Variants in METTL22 observed in about 807,000 individuals in gnomAD.
The protein encoded by METTL22 is methyltransferase 22, Kin17 lysine.
A neutral mutation model predicts 48.4 loss-of-function variants in METTL22; 51 were observed. The ratio of observed to expected loss-of-function variants is 1.05; its 90% CI spans 0.84 to 1.33. METTL22 has a LOEUF of 1.33. Among genes scored for constraint, METTL22 ranks in the 40% most tolerant of loss-of-function variants. The pLI is 0.00. For synonymous variants in METTL22, 255 were observed against 214.1 expected (o/e 1.19, Z -1.67); for missense variants, 678 against 526.9 (o/e 1.29, Z -2.81).
chr16:8,625,904 A>T (rs2056034266), intron 2 of METTL22, 106 bp downstream of exon 2: 1 of 1,405,418 alleles, frequency 7.1e-7, no homozygotes, highest in Admixed American at 2.0e-5. Context: ...CGTAACTGTT[A>T]TCCTCAGACC....
chr16:8,627,780 CT>C (rs1297784263), intron 2 of METTL22, among the ~76,000 whole-genome samples: 1 of 152,186 alleles, frequency 6.6e-6, no homozygotes. Context: ...GGGTCTCATT[CT>C]GTCACCCAAG....
rs1016796229 is a variant in METTL22, at chr16:8,647,377, G to A, written c.*1234G>A. 1.3e-5 allele frequency: 2 copies of A among 152,540 alleles called. No individual in the cohort carries two copies. The highest frequency in any genetic ancestry group is 2.9e-5 in the Non-Finnish European group (2 of 68,322). The allele number at this position is 152,540 out of a possible 1,614,324, so 9.4% of individuals were successfully genotyped here. ...AAATATCACTACATCCCTGCTGTAT[G>A]GTCTGGCAAACAGTAGATGCTCAAC... On this transcript the variant is annotated 3_prime_UTR_variant, in exon 11 of 11. Transcript: ENST00000381920.
the METTL22 span, among the ~76,000 whole-genome samples, chr16:8,661,040 T>C: frequency 2.6e-5 from 4 of 152,110 alleles, no homozygotes; most frequent in African/African-American, 9.7e-5. Context: ...GGTCTGGATG[T>C]CATGTTCTCC....
chr16:8,666,097 C>G, the METTL22 span, among the ~76,000 whole-genome samples: 1 of 152,174 alleles, frequency 6.6e-6, no homozygotes, highest in Non-Finnish European at 1.5e-5. Flanking sequence ...TCATCTGAGA[C>G]TCACCCTGAG....
chr16:8,656,102 C>T, the METTL22 span, among the ~76,000 whole-genome samples: 4 of 152,142 alleles, frequency 2.6e-5, no homozygotes, highest in African/African-American at 7.2e-5. Context: ...AGACAGGTCT[C>T]GCCATGTTGC....
At chr16:8,630,449 AG>A (rs1334905918) in intron 3 of METTL22, among the ~76,000 whole-genome samples, 1 of 152,068 alleles carries the variant, frequency 6.6e-6, no homozygotes, top group African/African-American at 2.4e-5. Flanking sequence ...ACTTGTACCT[AG>A]GTCTGTCTGA....
the METTL22 span, among the ~76,000 whole-genome samples, chr16:8,659,137 C>T: frequency 1.3e-5 from 2 of 152,096 alleles, no homozygotes; most frequent in African/African-American, 4.8e-5. Context: ...TCGAGACCAG[C>T]CTGGCCAACA....
At chr16:8,631,352 G>A (rs1348716296) in intron 3 of METTL22, 1 of 152,190 alleles carries the variant, frequency 6.6e-6, no homozygotes, top group Non-Finnish European at 1.5e-5. Flanking sequence ...GAAATAAAGT[G>A]AGACCCCAAG....
At chr16:8,650,954 G>A (rs1318228620), downstream of METTL22, among the ~76,000 whole-genome samples, 1 of 152,208 alleles carries the variant, frequency 6.6e-6, no homozygotes, top group Non-Finnish European at 1.5e-5. Context: ...CTGAGAGGTG[G>A]AGTTTGCAGT....
intron 5 of METTL22, among the ~76,000 whole-genome samples, chr16:8,638,666 G>A (rs1347015288): frequency 6.6e-6 from 1 of 152,172 alleles, no homozygotes; most frequent in East Asian, 1.9e-4. Context: ...TAAATTTGGA[G>A]TTAGAAAAAC....
At chr16:8,663,225 A>AAAT in the METTL22 span, among the ~76,000 whole-genome samples, 50,857 of 123,378 alleles carry the variant, frequency 0.41, 12,263 homozygotes, top group East Asian at 0.55. Context: ...AAAAAAAAAA[A>AAAT]GGTAGCCAAG....
chr16:8,656,509 G>A, the METTL22 span, among the ~76,000 whole-genome samples: 378 of 152,340 alleles, frequency 2.5e-3, no homozygotes, highest in African/African-American at 8.6e-3. Context: ...GGATTCTAAT[G>A]TGAACTTGCA....
In METTL22 at chr16:8,641,082, CTGA is replaced by C. The variant is rs559952320; in HGVS notation, c.773-43_773-41del. On this transcript the variant is annotated intron_variant, in intron 6 of 10. Coordinates refer to ENST00000381920, the MANE Select transcript of METTL22 (RefSeq NM_024109.4). ...TAGTGTAAAAGTTTATCTTTTTTTC[CTGA>C]TGATGTTTAGAGTTTGGAAAGTTCT... The C allele has an allele frequency of 7.6e-5, 119 of 1,559,558 alleles. No individual in the cohort carries two copies. The African/African-American group carries it at 1.5e-3, about 20-fold the overall frequency.
Position 8,647,022 on chromosome 16 carries a change from T to G in METTL22, c.*879T>G. On this transcript the variant is annotated 3_prime_UTR_variant, in exon 11 of 11. Transcript: ENST00000381920. ...TACCCTTGGCCCTCCCTGCAGCCCC[T>G]TTCCCCTGCCTTGCTGCTGCCGCAC... is the stretch of plus-strand genomic sequence containing the variant. 3.2e-6 allele frequency: 1 copy of G among 310,030 alleles called. No individual in the cohort carries two copies. The highest frequency in any genetic ancestry group is 2.8e-5 in the South Asian group (1 of 35,914). 19.2% of individuals were successfully genotyped at this position (310,030 alleles called of 1,614,324 possible). A position where few individuals can be genotyped will look rare whatever the true frequency, so the allele number is the denominator to read the frequency against.
At chr16:8,660,888 AGGAG>A in the METTL22 span, among the ~76,000 whole-genome samples, 2 of 122,470 alleles carry the variant, frequency 1.6e-5, no homozygotes, top group African/African-American at 6.0e-5. Flanking sequence ...GAGGAGGAGG[AGGAG>A]GAGGAGGAGG....
chr16:8,633,610 CAGAAAG>C (rs2056332085), intron 3 of METTL22, among the ~76,000 whole-genome samples: 1 of 152,138 alleles, frequency 6.6e-6, no homozygotes, highest in African/African-American at 2.4e-5. Context: ...TGTCTCAAAA[CAGAAAG>C]AGACAGAAAA....
At position 8,626,927 on chromosome 16, in the gene METTL22, T is replaced by C. The variant is rs113796685; in HGVS notation, c.133+1129T>C. ...GACTACAGGCACCCGCCACCACGCC[T>C]GGCTAATTTTTTTGTATTTTTGGTA... On this transcript the variant is annotated intron_variant, in intron 2 of 10. Coordinates refer to ENST00000381920, the MANE Select transcript of METTL22 (RefSeq NM_024109.4). Among the ~76,000 whole-genome samples the C allele has an allele frequency of 1.3e-4, 20 of 151,912 alleles. 2 individuals carry two copies. The highest frequency in any genetic ancestry group is 4.8e-4 in the African/African-American group (20 of 41,436).
At chr16:8,656,308 T>A in the METTL22 span, among the ~76,000 whole-genome samples, 3 of 152,220 alleles carry the variant, frequency 2.0e-5, no homozygotes, top group African/African-American at 7.2e-5. Context: ...TGTAGCAGGA[T>A]GCCACTTCCA....
chr16:8,624,287 C>A (rs1396530425), intron 1 of METTL22, among the ~76,000 whole-genome samples: 1 of 152,094 alleles, frequency 6.6e-6, no homozygotes, highest in African/African-American at 2.4e-5. Context: ...TAATGTGTCA[C>A]CTGCATAATT....
Sources: gnomAD v4.1 joint callset for allele counts (sites outside exome capture counted in the v4.1 genomes callset) on GRCh38, gnomAD v4.1.1 for gene constraint, MANE v1.5 for transcripts, NCBI Gene and HGNC (gene_info 2026-07-23, HGNC 2026-07-21) for gene names.